ZNF695: variants seen among roughly 807,000 people sequenced by gnomAD.
The protein encoded by ZNF695 is zinc finger protein SBZF3.
In ZNF695, 11 loss-of-function variants were observed where a neutral mutation model predicts 11.2. The ratio of observed to expected loss-of-function variants is 0.98; its 90% CI spans 0.62 to 1.62. ZNF695 has a LOEUF of 1.62. ZNF695 is among the 40% of genes most tolerant of loss of function. The pLI, the probability that ZNF695 is intolerant of heterozygous loss-of-function variation, is 0.00. For synonymous variants in ZNF695, 190 were observed against 201.4 expected (o/e 0.94, Z 0.48); for missense variants, 559 against 590.5 (o/e 0.95, Z 0.55).
Position 246,999,977 on chromosome 1 carries a change from A to G in ZNF695, c.101T>C (p.Leu34Ser), listed in dbSNP as rs1669316022. ...GGAGATCAGGTTTCTGTAGTTCTCT[A>G]ACATCACATCCCTATACAAACTCCG... is the stretch of plus-strand genomic sequence containing the variant. ...AQRSLYRDVM[L>S]ENYRNLISLG... Residue 34 changes from leucine (L) to serine (S), a missense_variant, in exon 2 of 4, where the codon TTA (leucine) becomes TCA (serine). Coordinates refer to ENST00000339986, the MANE Select transcript of ZNF695 (RefSeq NM_020394.5). The G allele has an allele frequency of 1.2e-6, 2 of 1,614,194 alleles. No individual in the cohort carries two copies. Among genetic ancestry groups the G allele is most frequent in the Non-Finnish European group, 1.7e-6 (2 of 1,180,016 alleles).
chr1:246,970,232 T>C (rs941999666), intron 4 of ZNF695, among the ~76,000 whole-genome samples: 5 of 152,202 alleles, frequency 3.3e-5, no homozygotes, highest in African/African-American at 1.2e-4. Context: ...CCTTCTGGCA[T>C]AGACAACTAG....
chr1:246,971,080 T>C (rs1668412266), intron 4 of ZNF695, among the ~76,000 whole-genome samples: 1 of 152,178 alleles, frequency 6.6e-6, no homozygotes, highest in South Asian at 2.1e-4. Context: ...CCCGAATGCA[T>C]GGCTGCGCTG....
chr1:246,977,289 G>C (rs1389708740), intron 4 of ZNF695, among the ~76,000 whole-genome samples: 3 of 152,174 alleles, frequency 2.0e-5, no homozygotes, highest in East Asian at 1.9e-4. Context: ...GACAGAGTCG[G>C]TCTGTCGCCC....
At chr1:246,948,064 T>C (rs554113653) in intron 5 of ZNF695, among the ~76,000 whole-genome samples, 2 of 152,150 alleles carry the variant, frequency 1.3e-5, no homozygotes, top group Admixed American at 1.3e-4. Flanking sequence ...AGTGACGTCG[T>C]TGACCTTTTC....
At chr1:246,975,375 C>T (rs1202633932) in intron 4 of ZNF695, among the ~76,000 whole-genome samples, 4 of 152,178 alleles carry the variant, frequency 2.6e-5, no homozygotes, top group Non-Finnish European at 4.4e-5. Context: ...ATTTATGTGT[C>T]ATGACCTACA....
chr1:246,972,670 C>A (rs1419932706), intron 4 of ZNF695, among the ~76,000 whole-genome samples: 1 of 152,012 alleles, frequency 6.6e-6, no homozygotes, highest in Non-Finnish European at 1.5e-5. Flanking sequence ...CAGACACCTG[C>A]CACCACGCCC....
intron 1 of ZNF695, among the ~76,000 whole-genome samples, chr1:247,004,364 C>T (rs1047417119): frequency 6.6e-6 from 1 of 151,316 alleles, no homozygotes; most frequent in African/African-American, 2.4e-5. Flanking sequence ...CAACTGATGC[C>T]GAAAAAGAAT....
Position 246,987,092 on chromosome 1 carries a change from G to A in ZNF695, c.1423C>T (p.Gln475Ter). 1 of 1,613,596 alleles carries A rather than the reference G, an allele frequency of 6.2e-7. No individual in the cohort carries two copies. Among genetic ancestry groups the A allele is most frequent in the Non-Finnish European group, 8.5e-7 (1 of 1,179,898 alleles). The change falls in exon 4 of 4, where the codon CAG becomes TAG. Residue 475 changes from glutamine to a stop codon, truncating the protein, a stop_gained. Transcript: ENST00000339986. LOFTEE classifies it low-confidence loss of function (END_TRUNC). ...KCEECGKAFG[Q>*]SSHLSKHKTI... The stretch of plus-strand genomic sequence containing the variant: ...TTATGTTTAGAAAGGTGTGAGCTCT[G>A]GCCAAAGGCTTTGCCACATTCTTCA...
At chr1:246,972,704 G>A (rs1402973718) in intron 4 of ZNF695, among the ~76,000 whole-genome samples, 1 of 151,932 alleles carries the variant, frequency 6.6e-6, no homozygotes, top group Non-Finnish European at 1.5e-5. Context: ...ATTTTTAGTA[G>A]AGACAGGGTT....
rs1321355761 is a variant in ZNF695, at chr1:246,986,215, T to C, written c.*752A>G. The C allele has an allele frequency of 2.1e-6, 1 of 486,358 alleles. No individual in the cohort carries two copies. The highest frequency in any genetic ancestry group is 2.7e-6 in the Non-Finnish European group (1 of 374,102). The allele number at this position is 486,358 out of a possible 1,614,324, so 30.1% of individuals were successfully genotyped here. A position where few individuals can be genotyped will look rare whatever the true frequency, so the allele number is the denominator to read the frequency against. Reference sequence around the variant, plus strand: ...TTCCAAGTAGCTGGGACAACAGGCATGTGCCACCAAGCCTGGCTTTTATTT... The same window carrying C: ...TTCCAAGTAGCTGGGACAACAGGCACGTGCCACCAAGCCTGGCTTTTATTT... On this transcript the variant is annotated 3_prime_UTR_variant, in exon 4 of 4. Coordinates refer to ENST00000339986, the MANE Select transcript of ZNF695 (RefSeq NM_020394.5).
At chr1:246,988,385 A>G in intron 3 of ZNF695, 130 bp from the exon 4 acceptor site, 2 of 665,596 alleles carry the variant, frequency 3.0e-6, no homozygotes, top group Non-Finnish European at 4.7e-6. Flanking sequence ...ATTCCTTCAT[A>G]GTCATAATCC....
intron 1 of ZNF695, among the ~76,000 whole-genome samples, chr1:247,001,708 G>A (rs548190559): frequency 3.2e-4 from 15 of 47,598 alleles, no homozygotes; most frequent in Middle Eastern, 0.022. Context: ...GCAAGACTTC[G>A]TCTCAAAAAA....
intron 1 of ZNF695, among the ~76,000 whole-genome samples, chr1:247,007,481 C>G (rs1489251157): frequency 9.0e-6 from 1 of 111,204 alleles, no homozygotes; most frequent in East Asian, 2.7e-4. Flanking sequence ...GGCGACAGGG[C>G]GAGACTCCGT....
At chr1:247,005,629 G>A (rs1669508777) in intron 1 of ZNF695, among the ~76,000 whole-genome samples, 1 of 152,012 alleles carries the variant, frequency 6.6e-6, no homozygotes, top group Non-Finnish European at 1.5e-5. Context: ...CACGAGAATA[G>A]CCTGAGCCCA....
Position 246,999,398 on chromosome 1 carries a change from G to A in ZNF695, c.209C>T (p.Ala70Val). Residue 70 changes from alanine (A) to valine (V), a missense_variant, in exon 3 of 4, where the codon GCA (alanine) becomes GTA (valine). Ala to Val is a moderately conservative substitution (Grantham distance 64). Coordinates refer to ENST00000339986, the MANE Select transcript of ZNF695 (RefSeq NM_020394.5). ...SKPELIICLEARKEPWNVNTE... is the reference protein window; with the variant it reads ...SKPELIICLEVRKEPWNVNTE... ...GTTCACGTTCCAGGGCTCTTTCCTT[G>A]CCTCCAGACAGATGATCAGTTCTGG... 5 of 1,613,954 alleles carry A rather than the reference G, an allele frequency of 3.1e-6. No individual in the cohort carries two copies. The highest frequency in any genetic ancestry group is 4.2e-6 in the Non-Finnish European group (5 of 1,179,982).
intron 3 of ZNF695, among the ~76,000 whole-genome samples, chr1:246,999,097 C>T (rs968240509): frequency 2.0e-5 from 3 of 151,870 alleles, no homozygotes; most frequent in Admixed American, 6.6e-5. Context: ...CATGCAGTCC[C>T]CTATAAACTA....
chr1:246,949,633 C>G (rs954396695), intron 5 of ZNF695, among the ~76,000 whole-genome samples: 6 of 151,980 alleles, frequency 3.9e-5, no homozygotes, highest in African/African-American at 1.4e-4. Context: ...CTCTTGAACC[C>G]TGGGGTTTCC....
At chr1:246,947,340 C>CGA (rs1247435418) in intron 5 of ZNF695, among the ~76,000 whole-genome samples, 2 of 151,902 alleles carry the variant, frequency 1.3e-5, no homozygotes, top group African/African-American at 4.8e-5. Context: ...CCCCCTGCTT[C>CGA]AGCCTCTTGA....
intron 5 of ZNF695, among the ~76,000 whole-genome samples, chr1:246,963,173 C>T (rs1267154522): frequency 6.6e-6 from 1 of 152,208 alleles, no homozygotes; most frequent in African/African-American, 2.4e-5. Context: ...CGGAAGTGGC[C>T]ATCCTTCACT....
Sources: allele counts gnomAD v4.1 joint callset (sites outside exome capture counted in the v4.1 genomes callset), GRCh38; gene constraint gnomAD v4.1.1; transcripts MANE v1.5; gene names NCBI Gene and HGNC (gene_info 2026-07-23, HGNC 2026-07-21).